Variants in PTPRB observed in about 807,000 individuals in gnomAD.
The protein encoded by PTPRB is receptor-type tyrosine-protein phosphatase beta.
Under a neutral mutation model 238.1 loss-of-function variants are expected in PTPRB, and 97 were observed. That is an observed-to-expected ratio of 0.41 (90% confidence interval 0.35 to 0.48). PTPRB has a LOEUF of 0.48. Among genes scored for constraint, PTPRB ranks in the 20% least tolerant of loss-of-function variants. The pLI, the probability that PTPRB is intolerant of heterozygous loss-of-function variation, is 0.30. For missense variants in PTPRB, 2,292 were observed against 2,681.9 expected (o/e 0.85, Z 3.21); for synonymous variants, 970 against 995.4 (o/e 0.97, Z 0.48).
At chr12:70,559,128 T>C in intron 18 of PTPRB, 1 of 613,702 alleles carries the variant, frequency 1.6e-6, no homozygotes, top group Non-Finnish European at 2.9e-6. Context: ...ACGTCCTACC[T>C]AATTGTAAGC....
At chr12:70,544,489 T>A in intron 22 of PTPRB, 68 bp downstream of exon 22, 2 of 1,075,664 alleles carry the variant, frequency 1.9e-6, no homozygotes, top group Non-Finnish European at 2.8e-6. Context: ...TCAGCCAATA[T>A]CTCCCCATTA....
intron 33 of PTPRB, among the ~76,000 whole-genome samples, chr12:70,523,978 CT>C (rs1309199650): frequency 7.9e-5 from 12 of 151,544 alleles, no homozygotes; most frequent in Admixed American, 5.9e-4. Flanking sequence ...ATGCCTGGCT[CT>C]TTTGTACTTT....
chr12:70,635,524 C>G, intron 2 of PTPRB, 147 bp downstream of exon 2: 1 of 1,049,544 alleles, frequency 9.5e-7, no homozygotes, highest in Non-Finnish European at 1.3e-6. Flanking sequence ...CCATCCACCT[C>G]CATTAGCTTA....
chr12:70,564,877 AATAATAAT>A (rs534325473), intron 15 of PTPRB, among the ~76,000 whole-genome samples: 46,961 of 119,862 alleles, frequency 0.39, 8,413 homozygotes, highest in East Asian at 0.48. Flanking sequence ...TAATAATAAT[AATAATAAT>A]AATAAATAGA....
chr12:70,631,702 GA>G (rs1885460978), intron 2 of PTPRB, among the ~76,000 whole-genome samples: 1 of 151,996 alleles, frequency 6.6e-6, no homozygotes, highest in East Asian at 1.9e-4. Context: ...CTAATATCCA[GA>G]ATCTACAAAG....
intron 21 of PTPRB, among the ~76,000 whole-genome samples, chr12:70,547,350 G>T (rs1233744796): frequency 6.6e-6 from 1 of 152,322 alleles, no homozygotes; most frequent in Middle Eastern, 3.4e-3. Flanking sequence ...TGAGGAGTTG[G>T]TGTGTTTTGC....
intron 9 of PTPRB, among the ~76,000 whole-genome samples, chr12:70,584,492 C>T (rs1428604843): frequency 6.6e-6 from 1 of 151,930 alleles, no homozygotes; most frequent in African/African-American, 2.4e-5. Context: ...ACCCCAAAGG[C>T]AAAAAAGCAG....
Position 70,560,756 on chromosome 12 carries a change from G to A in PTPRB, c.4347C>T (p.Gly1449=), listed in dbSNP as rs1324141240. ...DKDLTEWRFQ[G]LVPGRKYVLW... is the part of the protein sequence containing the mutation. ...GCACGTACTTCCTTCCAGGAACAAG[G>A]CCTTGAAACCGCCACTCCGTCAGGT... Residue 1449 remains glycine (G), a synonymous_variant, in exon 17 of 34, where the codon GGC becomes GGT. Coordinates refer to ENST00000334414, the MANE Select transcript of PTPRB (RefSeq NM_001109754.4). The surrounding 1 kb of genome is among the most constrained non-coding windows in gnomAD (Gnocchi z 4.2). 2.5e-6 allele frequency: 4 copies of A among 1,613,876 alleles called. No individual in the cohort carries two copies. The highest frequency in any genetic ancestry group is 1.7e-5 in the Admixed American group (1 of 60,008).
At position 70,559,454 on chromosome 12, in the gene PTPRB, G is replaced by A. The variant is rs757039233; in HGVS notation, c.4603C>T (p.Arg1535Cys). 5 of 1,613,922 alleles carry A rather than the reference G, an allele frequency of 3.1e-6. No individual in the cohort carries two copies. Among genetic ancestry groups the A allele is most frequent in the Non-Finnish European group, 4.2e-6 (5 of 1,179,854 alleles). The change falls in exon 18 of 34, where the codon CGC (arginine) becomes TGC (cysteine). Residue 1535 changes from arginine to cysteine, a missense_variant. Coordinates refer to ENST00000334414, the MANE Select transcript of PTPRB (RefSeq NM_001109754.4). ...CCTGGACGAAGACCATACACAATGC[G>A]TCCTTCTGATTTTCTGTTGTTGTAG... ...NPYNNRKSEG[R>C]IVYGLRPGRS...
In PTPRB at chr12:70,517,765, GT is replaced by G. The variant is rs1871304339; in HGVS notation, c.*3723del. 6.6e-6 allele frequency: 1 copy of G among 152,202 alleles called. No individual in the cohort carries two copies. 9.4% of individuals were successfully genotyped at this position (152,202 alleles called of 1,614,324 possible). ...AACTAAAACTCTAGAGCGTCTCAGAGTTTGGGCTCAGATACTACCACTGCTG... is the reference window on the plus strand; with the variant it reads ...AACTAAAACTCTAGAGCGTCTCAGAGTTGGGCTCAGATACTACCACTGCTG... On this transcript the variant is annotated 3_prime_UTR_variant, in exon 34 of 34. Transcript: ENST00000334414.
intron 21 of PTPRB, 80 bp downstream of exon 21, chr12:70,552,697 C>T: frequency 6.5e-7 from 1 of 1,527,248 alleles, no homozygotes; most frequent in Non-Finnish European, 9.0e-7. Flanking sequence ...TGGAAGCTCG[C>T]ATGCATCAGT....
intron 2 of PTPRB, among the ~76,000 whole-genome samples, chr12:70,628,035 T>C (rs892186111): frequency 6.6e-6 from 1 of 152,194 alleles, no homozygotes; most frequent in Non-Finnish European, 1.5e-5. Context: ...ACAATTACTT[T>C]AACCAGCAGT....
chr12:70,573,507 T>A (rs1880339947), intron 11 of PTPRB, among the ~76,000 whole-genome samples: 1 of 98,714 alleles, frequency 1.0e-5, no homozygotes, highest in South Asian at 3.6e-4. Context: ...TTTCTTTTCT[T>A]TTTTTTTTTT....
chr12:70,530,646 A>C (rs939900678), intron 32 of PTPRB, among the ~76,000 whole-genome samples: 1 of 152,252 alleles, frequency 6.6e-6, no homozygotes, highest in African/African-American at 2.4e-5. Flanking sequence ...TGTGGGATAC[A>C]GATGGGAAAA....
At position 70,562,963 on chromosome 12, in the gene PTPRB, A is replaced by G. The variant is rs770192583; in HGVS notation, c.4049T>C (p.Val1350Ala). 143 of 1,613,918 alleles carry G rather than the reference A, an allele frequency of 8.9e-5. No individual in the cohort carries two copies. Among genetic ancestry groups the G allele is most frequent in the Non-Finnish European group, 1.2e-4 (136 of 1,179,906 alleles). The stretch of plus-strand genomic sequence containing the variant: ...AGAGAAGCTCTGGACTAGTGGGTCA[A>G]CTTGAGCTCTCTCCTGGAGATTCCC... Reference protein sequence around the residue: ...PDGNLQERAQVDPLVQSFSFQ... With the variant: ...PDGNLQERAQADPLVQSFSFQ... Residue 1350 changes from valine to alanine, a missense_variant, in exon 16 of 34, where the codon GTT becomes GCT. By Grantham distance (64) the Val-to-Ala change is moderately conservative. Coordinates refer to ENST00000334414, the MANE Select transcript of PTPRB (RefSeq NM_001109754.4).
chr12:70,558,282 G>T lies in PTPRB; in HGVS notation c.4714+1061C>A, dbSNP rs117247534. ...AGCTCGCCATAAACTAAAACTCTTA[G>T]TTCTTTTTCACATATTTCTCTTGAC... is the stretch of plus-strand genomic sequence containing the variant. On this transcript the variant is annotated intron_variant, in intron 18 of 33. Coordinates refer to ENST00000334414, the MANE Select transcript of PTPRB (RefSeq NM_001109754.4). 4.6e-3 allele frequency among the ~76,000 whole-genome samples: 702 copies of T among 152,176 alleles called. 2 individuals are homozygous for T. Among genetic ancestry groups the T allele is most frequent in the Non-Finnish European group, 7.6e-3 (516 of 67,994 alleles).
chr12:70,613,728 T>C (rs1884560585), intron 3 of PTPRB, among the ~76,000 whole-genome samples: 1 of 152,210 alleles, frequency 6.6e-6, no homozygotes, highest in African/African-American at 2.4e-5. Context: ...TTGTCTGTCC[T>C]GCTCTTCTTG....
intron 33 of PTPRB, among the ~76,000 whole-genome samples, chr12:70,524,055 C>T (rs1321876990): frequency 2.0e-5 from 3 of 152,060 alleles, no homozygotes; most frequent in African/African-American, 7.2e-5. Flanking sequence ...GCCTTGGCCT[C>T]CCAAAGTGCT....
At chr12:70,563,458 A>G (rs1035167442) in intron 15 of PTPRB, among the ~76,000 whole-genome samples, 7 of 151,870 alleles carry the variant, frequency 4.6e-5, no homozygotes, top group African/African-American at 1.5e-4. Context: ...CTCCACCCCA[A>G]ATGCTCTTTC....
Sources: gnomAD v4.1 joint callset for allele counts (sites outside exome capture counted in the v4.1 genomes callset) on GRCh38, gnomAD v4.1.1 for gene constraint, Gnocchi (gnomAD v3.1) non-coding constraint, MANE v1.5 for transcripts, NCBI Gene and HGNC (gene_info 2026-07-23, HGNC 2026-07-21) for gene names.